Variants in FARP2 observed in about 807,000 individuals in gnomAD.
FARP2 encodes the protein FERM, ARH/RhoGEF and pleckstrin domain protein 2.
Under a neutral mutation model 130.5 loss-of-function variants are expected in FARP2, and 111 were observed. The ratio of observed to expected loss-of-function variants is 0.85; its 90% CI spans 0.73 to 1.00. FARP2 has a LOEUF of 1.00. Ranked by LOEUF, FARP2 falls within the 50% of genes least tolerant of loss-of-function variation. FARP2 has a pLI of 0.00. For missense variants in FARP2, 1,385 were observed against 1,346.3 expected, an observed-to-expected ratio of 1.03 and a Z score of -0.45; for synonymous variants, 504 against 516.9, an observed-to-expected ratio of 0.98 and a Z score of 0.34.
At chr2:241,388,992 G>A (rs1388544656) in intron 2 of FARP2, among the ~76,000 whole-genome samples, 2 of 152,114 alleles carry the variant, frequency 1.3e-5, no homozygotes, top group Non-Finnish European at 2.9e-5. Flanking sequence ...TATAAGAATA[G>A]ACATGAGGCG....
chr2:241,483,843 G>T (rs1416771776), intron 20 of FARP2: 4 of 985,366 alleles, frequency 4.1e-6, no homozygotes, highest in Non-Finnish European at 4.8e-6. Flanking sequence ...GCTGCAAGAA[G>T]GTGCTACTGA....
In FARP2 at chr2:241,431,248, A is replaced by G. The variant is rs577691488; in HGVS notation, c.772-431A>G. Among the ~76,000 whole-genome samples, 54 of 152,248 alleles carry G rather than the reference A, an allele frequency of 3.5e-4. 2 individuals are homozygous for G. The South Asian group carries it at 0.011, about 31-fold the overall frequency. ...GAACCTTTCAGTGTCCTTGTGTTCC[A>G]GATGTGCCTCGAGTTTGAGACCAGC... On this transcript the variant is annotated intron_variant, in intron 8 of 26. Transcript: ENST00000264042.
At position 241,441,590 on chromosome 2, in the gene FARP2, G is replaced by T. The variant is rs760411413; in HGVS notation, c.1411+34G>T. 2.5e-6 allele frequency: 4 copies of T among 1,613,726 alleles called. No individual in the cohort carries two copies. In the South Asian group the frequency reaches 4.4e-5, roughly 18 times the overall value. On this transcript the variant is annotated intron_variant, in intron 13 of 26. Transcript: ENST00000264042. ...TTTTGTCATGTCGTGAGCAGCTGTG[G>T]TTCTGTCTGTGCTGGGGGGCAGAGT...
intron 1 of FARP2, among the ~76,000 whole-genome samples, chr2:241,367,485 G>A (rs564411802): frequency 6.6e-6 from 1 of 152,254 alleles, no homozygotes; most frequent in South Asian, 2.1e-4. Flanking sequence ...GCAGTAAAGA[G>A]GTAATGCGCC....
At chr2:241,440,773 T>A (rs1047462154) in intron 12 of FARP2, among the ~76,000 whole-genome samples, 4 of 152,156 alleles carry the variant, frequency 2.6e-5, no homozygotes, top group African/African-American at 9.7e-5. Context: ...TCCAGCTGTA[T>A]TTTACCCCTC....
rs1676798015 is a variant in FARP2 at position 241,459,217 on chromosome 2, C to G, written c.1587+2295C>G. ...AGAGGTAGGTTCCCACCAGAGTACC[C>G]CTCTGTGCTGACCTCATGAACCAGT... is the stretch of plus-strand genomic sequence containing the variant. On this transcript the variant is annotated intron_variant, in intron 14 of 26. Coordinates refer to ENST00000264042, the MANE Select transcript of FARP2 (RefSeq NM_014808.4). The surrounding 1 kb of genome is among the most constrained non-coding windows in gnomAD (Gnocchi z 5.3). Among the ~76,000 whole-genome samples the G allele has an allele frequency of 6.6e-6, 1 of 152,350 alleles. No individual in the cohort carries two copies. The highest frequency in any genetic ancestry group is 1.5e-5 in the Non-Finnish European group (1 of 68,044).
At chr2:241,415,418 C>T (rs557632598) in intron 7 of FARP2, among the ~76,000 whole-genome samples, 3 of 152,308 alleles carry the variant, frequency 2.0e-5, no homozygotes, top group Admixed American at 6.5e-5. Context: ...GGGATAGTCT[C>T]TCCCTGCTGA....
At position 241,402,880 on chromosome 2, in the gene FARP2, A is replaced by ATT. The variant is rs1194888946; in HGVS notation, c.184-918_184-917dup. On this transcript the variant is annotated intron_variant, in intron 2 of 26. Transcript: ENST00000264042. ...TATATATATATATATATATATATAT[A>ATT]TTTTTTTTTTTTTTTTTTTTTTTTT... Among the ~76,000 whole-genome samples the ATT allele has an allele frequency of 4.1e-4, 4 of 9,730 alleles. 1 individual carries two copies. The highest frequency in any genetic ancestry group is 2.3e-3 in the Admixed American group (1 of 438). The allele number at this position is 9,730 out of a possible 152,430, so 6.4% of individuals were successfully genotyped here.
intron 13 of FARP2, among the ~76,000 whole-genome samples, chr2:241,454,130 A>G (rs542281041): frequency 4.6e-5 from 7 of 152,124 alleles, no homozygotes; most frequent in African/African-American, 1.7e-4. Context: ...CACCCTAGCC[A>G]TGGCCTGTTT....
chr2:241,395,310 A>G (rs1479536744), intron 2 of FARP2: 1 of 152,232 alleles, frequency 6.6e-6, no homozygotes, highest in Non-Finnish European at 1.5e-5. Flanking sequence ...TGATTATACA[A>G]TATACCAAAA....
intron 17 of FARP2, chr2:241,466,788 C>T (rs2064185076): frequency 5.9e-6 from 1 of 168,782 alleles, no homozygotes; most frequent in Admixed American, 6.6e-5. Context: ...TCCCTGTACC[C>T]TGAACTGTGA....
intron 18 of FARP2, among the ~76,000 whole-genome samples, chr2:241,472,975 T>C (rs1001458561): frequency 1.4e-5 from 2 of 144,014 alleles, no homozygotes; most frequent in Non-Finnish European, 3.1e-5. Flanking sequence ...AAGGGATCCT[T>C]TTCTGTGGGG....
At position 241,475,789 on chromosome 2, in the gene FARP2, G is replaced by A; in HGVS notation, c.2132-68G>A. On this transcript the variant is annotated intron_variant, in intron 18 of 26. Coordinates refer to ENST00000264042, the MANE Select transcript of FARP2 (RefSeq NM_014808.4). The surrounding 1 kb of genome is among the most constrained non-coding windows in gnomAD (Gnocchi z 4.4). ...TTTAGAATGCTGGTTCCTGTCACAAGGTGGTGGGTGGAGGGTGCTGTGCAC... is the reference window on the plus strand; with the variant it reads ...TTTAGAATGCTGGTTCCTGTCACAAAGTGGTGGGTGGAGGGTGCTGTGCAC... 1.4e-6 allele frequency: 2 copies of A among 1,383,844 alleles called. No individual in the cohort carries two copies. Among genetic ancestry groups the A allele is most frequent in the South Asian group, 3.3e-5 (2 of 59,928 alleles). The allele number at this position is 1,383,844 out of a possible 1,614,324, so 85.7% of individuals were successfully genotyped here. A position where few individuals can be genotyped will look rare whatever the true frequency, so the allele number is the denominator to read the frequency against.
chr2:241,410,605 CT>C (rs2062491600), intron 5 of FARP2, among the ~76,000 whole-genome samples: 1 of 151,798 alleles, frequency 6.6e-6, no homozygotes, highest in Admixed American at 6.6e-5. Flanking sequence ...GGTTTTTGCA[CT>C]TTTTTTAGAG....
chr2:241,459,349 C>T lies in FARP2; in HGVS notation c.1587+2427C>T, dbSNP rs531038588. ...CCACTCTCCTGGGGAGCCAGGGTGA[C>T]AGGGGTCTGAGAAGCACGTGCTGCC... On this transcript the variant is annotated intron_variant, in intron 14 of 26. Coordinates refer to ENST00000264042, the MANE Select transcript of FARP2 (RefSeq NM_014808.4). This position sits in a 1 kb window ranked among gnomAD's most constrained non-coding sequence, Gnocchi z 5.3. Among the ~76,000 whole-genome samples, 17 of 152,354 alleles carry T rather than the reference C, an allele frequency of 1.1e-4. 1 individual carries two copies. Among genetic ancestry groups the T allele is most frequent in the African/African-American group, 3.8e-4 (16 of 41,594 alleles).
intron 25 of FARP2, 50 bp from the exon 26 acceptor site, chr2:241,493,243 C>T (rs1471543490): frequency 3.8e-6 from 6 of 1,594,036 alleles, no homozygotes; most frequent in Non-Finnish European, 5.1e-6. Flanking sequence ...AATGGGCATT[C>T]CCTGTGGCAA....
chr2:241,469,600 A>G (rs2064257779), intron 18 of FARP2, among the ~76,000 whole-genome samples: 1 of 152,252 alleles, frequency 6.6e-6, no homozygotes, highest in Non-Finnish European at 1.5e-5. Flanking sequence ...GGACAAAATT[A>G]TAGAAAACAT....
intron 19 of FARP2, 87 bp from the exon 20 acceptor site, chr2:241,483,378 C>T: frequency 8.7e-7 from 1 of 1,145,190 alleles, no homozygotes; most frequent in Non-Finnish European, 1.3e-6. Context: ...CAAGCGGCCA[C>T]AAGGCTATTC....
At chr2:241,406,931 T>C (rs913578348) in intron 4 of FARP2, among the ~76,000 whole-genome samples, 1 of 151,988 alleles carries the variant, frequency 6.6e-6, no homozygotes, top group African/African-American at 2.4e-5. Context: ...CCTCAGCCTC[T>C]GGAGTAGCTG....
Sources: allele counts gnomAD v4.1 joint callset (sites outside exome capture counted in the v4.1 genomes callset), GRCh38; gene constraint gnomAD v4.1.1; non-coding constraint Gnocchi (gnomAD v3.1); transcripts MANE v1.5; gene names NCBI Gene and HGNC (gene_info 2026-07-23, HGNC 2026-07-21).